Variants in ANKRD37 observed in about 807,000 individuals in gnomAD.
ANKRD37 encodes ankyrin repeat domain 37.
A neutral mutation model predicts 19.7 loss-of-function variants in ANKRD37; 17 were observed. The ratio of observed to expected loss-of-function variants is 0.86; its 90% CI spans 0.59 to 1.29. The LOEUF is 1.29. ANKRD37 is among the 50% of genes most tolerant of loss of function. The pLI is 0.00. For synonymous variants in ANKRD37, 79 were observed against 74.5 expected, an observed-to-expected ratio of 1.06 and a Z score of -0.31; for missense variants, 207 against 190.4, an observed-to-expected ratio of 1.09 and a Z score of -0.51.
At chr4:185,397,619 TTC>T (rs1353567464) in intron 2 of ANKRD37, 77 of 280,960 alleles carry the variant, frequency 2.7e-4, no homozygotes, top group African/African-American at 1.7e-3. Flanking sequence ...ATTTTACACT[TTC>T]TTTTATTCTG....
At position 185,399,715 on chromosome 4, in the gene ANKRD37, C is replaced by T. The variant is rs913977365; in HGVS notation, c.418C>T (p.Leu140Phe). The change falls in exon 4 of 5, where the codon CTC becomes TTC. Residue 140 changes from leucine (L) to phenylalanine (F), a missense_variant. By Grantham distance (22) the Leu-to-Phe change is conservative. Transcript: ENST00000335174. ...HPDRNDCVAV[L>F]RQKRSLGSVE... The stretch of plus-strand genomic sequence containing the variant: ...TGACAGGAATGATTGTGTTGCCGTG[C>T]TCAGACAGAAACGGAGTCTCGGAAG... 1.9e-6 allele frequency: 3 copies of T among 1,614,134 alleles called. No individual in the cohort carries two copies. The highest frequency in any genetic ancestry group is 1.1e-5 in the South Asian group (1 of 91,080).
chr4:185,398,824 C>T, intron 2 of ANKRD37, 113 bp from the exon 3 acceptor site: 1 of 683,530 alleles, frequency 1.5e-6, no homozygotes. Flanking sequence ...ATTCCCTGTC[C>T]AGTACAATGC....
Position 185,396,855 on chromosome 4 carries a change from G to A in ANKRD37, c.-69G>A, listed in dbSNP as rs1166868966. On this transcript the variant is annotated 5_prime_UTR_variant, in exon 1 of 5. Transcript: ENST00000335174. ...AGGGCCAGCCTGCGCATTCTTACCT[G>A]TCGGGGTGCGGCGAGTGTCTCACCT... The A allele has an allele frequency of 8.4e-6, 13 of 1,539,406 alleles. No homozygotes were observed. The East Asian group carries it at 2.2e-4, about 27-fold the overall frequency.
chr4:185,399,534 A>C, intron 3 of ANKRD37, 36 bp from the exon 4 acceptor site: 1 of 1,606,748 alleles, frequency 6.2e-7, no homozygotes, highest in Non-Finnish European at 8.5e-7. Context: ...CTTAAGTTCA[A>C]TGTTTCATTT....
intron 1 of ANKRD37, 65 bp downstream of exon 1, chr4:185,397,015 C>A (rs1469532294): frequency 1.2e-6 from 2 of 1,610,936 alleles, no homozygotes; most frequent in African/African-American, 1.3e-5. Flanking sequence ...GATTCGTCTT[C>A]TCGTTAATGC....
rs372070862 is a variant in ANKRD37 at position 185,399,031 on chromosome 4, G to A, written c.272+3G>A. On this transcript the variant is annotated splice_donor_region_variant and intron_variant, in intron 3 of 4. Transcript: ENST00000335174. ...GTAGCCAGTGATGCCCAAATTGAGT[G>A]AGTATGAAAACAGTGGCTTCACATT... The A allele has an allele frequency of 4.1e-5, 66 of 1,613,084 alleles. No homozygotes were observed. The African/African-American group carries it at 7.3e-4, about 18-fold the overall frequency.
Position 185,399,740 on chromosome 4 carries a change from G to A in ANKRD37, c.443G>A (p.Ser148Asn). Residue 148 changes from serine (S) to asparagine (N), a missense_variant, in exon 4 of 5, where the codon AGT becomes AAT. By Grantham distance (46) the Ser-to-Asn change is conservative (BLOSUM62 1). Coordinates refer to ENST00000335174, the MANE Select transcript of ANKRD37 (RefSeq NM_181726.4). The stretch of plus-strand genomic sequence containing the variant: ...CTCAGACAGAAACGGAGTCTCGGAA[G>A]TGTAGAAAATACCAGTGGGAAAAGG... Reference protein sequence around the residue: ...AVLRQKRSLGSVENTSGKRKC With the variant: ...AVLRQKRSLGNVENTSGKRKC 2 of 1,614,160 alleles carry A rather than the reference G, an allele frequency of 1.2e-6. No homozygotes were observed. Among genetic ancestry groups the A allele is most frequent in the South Asian group, 1.1e-5 (1 of 91,088 alleles).
In ANKRD37 at chr4:185,397,138, C is replaced by A; in HGVS notation, c.28-12C>A. ...AGGTGGGAAGGGTGCTGGATCTGTT[C>A]TCTTCCTGCAGGTGGATGGTCTGAA... On this transcript the variant is annotated splice_polypyrimidine_tract_variant and intron_variant, in intron 1 of 4. Coordinates refer to ENST00000335174, the MANE Select transcript of ANKRD37 (RefSeq NM_181726.4). 1 of 1,613,014 alleles carries A rather than the reference C, an allele frequency of 6.2e-7. No homozygotes were observed. The highest frequency in any genetic ancestry group is 8.5e-7 in the Non-Finnish European group (1 of 1,179,856).
rs2095511678 is a variant in ANKRD37, at chr4:185,400,231, C to T, written c.*214C>T. On this transcript the variant is annotated 3_prime_UTR_variant, in exon 5 of 5. Coordinates refer to ENST00000335174, the MANE Select transcript of ANKRD37 (RefSeq NM_181726.4). ...TTTGTCTTTTAAGTTATTAAAGGAA[C>T]GTCTAAAAAATACATTCTCCGTGCA... The T allele has an allele frequency of 7.0e-6, 5 of 713,938 alleles. No individual in the cohort carries two copies. The highest frequency in any genetic ancestry group is 1.1e-5 in the Non-Finnish European group (5 of 441,242). 44.2% of individuals were successfully genotyped at this position (713,938 alleles called of 1,614,324 possible).
intron 3 of ANKRD37, 71 bp downstream of exon 3, chr4:185,399,099 G>C: frequency 7.9e-7 from 1 of 1,268,526 alleles, no homozygotes; most frequent in Non-Finnish European, 1.1e-6. Context: ...CTGAAGCTTA[G>C]TTACATGTGC....
At position 185,400,232 on chromosome 4, in the gene ANKRD37, G is replaced by C; in HGVS notation, c.*215G>C. ...TTGTCTTTTAAGTTATTAAAGGAAC[G>C]TCTAAAAAATACATTCTCCGTGCAG... On this transcript the variant is annotated 3_prime_UTR_variant, in exon 5 of 5. Coordinates refer to ENST00000335174, the MANE Select transcript of ANKRD37 (RefSeq NM_181726.4). The C allele has an allele frequency of 4.2e-6, 3 of 720,240 alleles. No individual in the cohort carries two copies. Among genetic ancestry groups the C allele is most frequent in the Non-Finnish European group, 6.7e-6 (3 of 445,932 alleles). The allele number at this position is 720,240 out of a possible 1,614,324, so 44.6% of individuals were successfully genotyped here.
At chr4:185,397,843 T>G (rs2095507257) in intron 2 of ANKRD37, 1 of 152,500 alleles carries the variant, frequency 6.6e-6, no homozygotes, top group South Asian at 2.1e-4. Context: ...AAGAGTTTTC[T>G]TACTGTAGTT....
rs112594372 is a variant in ANKRD37 at position 185,398,926 on chromosome 4, C to T, written c.181-11C>T. 6.2e-7 allele frequency: 1 copy of T among 1,611,104 alleles called. No homozygotes were observed. The highest frequency in any genetic ancestry group is 2.2e-5 in the East Asian group (1 of 44,794). ...TTTGGGAGACTCTAAAATGCACCAT[C>T]TTACCTTAAGGATGTTTTAGGAGAA... On this transcript the variant is annotated splice_polypyrimidine_tract_variant and intron_variant, in intron 2 of 4. Coordinates refer to ENST00000335174, the MANE Select transcript of ANKRD37 (RefSeq NM_181726.4).
At chr4:185,397,060 T>C in intron 1 of ANKRD37, 90 bp from the exon 2 acceptor site, 1 of 1,610,346 alleles carries the variant, frequency 6.2e-7, no homozygotes. Flanking sequence ...TGGTCAGAGC[T>C]GGTTGTGAAG....
Position 185,397,311 on chromosome 4 carries a change from G to T in ANKRD37, c.180+9G>T. The T allele has an allele frequency of 6.2e-7, 1 of 1,613,466 alleles. No individual in the cohort carries two copies. The highest frequency in any genetic ancestry group is 1.3e-5 in the African/African-American group (1 of 75,044). Reference sequence around the variant, plus strand: ...CTGACCTCAACCAGCAGGTAACTAGGTAACTGTTGCTGTGTACAGCCGTCC... The same window carrying T: ...CTGACCTCAACCAGCAGGTAACTAGTTAACTGTTGCTGTGTACAGCCGTCC... On this transcript the variant is annotated intron_variant, in intron 2 of 4. Coordinates refer to ENST00000335174, the MANE Select transcript of ANKRD37 (RefSeq NM_181726.4).
intron 3 of ANKRD37, 177 bp from the exon 4 acceptor site, chr4:185,399,393 G>A (rs2095510324): frequency 1.5e-6 from 1 of 650,302 alleles, no homozygotes; most frequent in South Asian, 2.0e-5. Context: ...GCTCTATGCT[G>A]GATTCTGTTA....
Position 185,400,033 on chromosome 4 carries a change from G to A in ANKRD37, c.*16G>A, listed in dbSNP as rs771405507. ...TAAAAACAGATGTCACGTGGGTTATGAAGAAGTCTGAAGAACGCCTTCATT... is the reference window on the plus strand; with the variant it reads ...TAAAAACAGATGTCACGTGGGTTATAAAGAAGTCTGAAGAACGCCTTCATT... On this transcript the variant is annotated 3_prime_UTR_variant, in exon 5 of 5. Coordinates refer to ENST00000335174, the MANE Select transcript of ANKRD37 (RefSeq NM_181726.4). 1.3e-6 allele frequency: 2 copies of A among 1,585,696 alleles called. No homozygotes were observed. Among genetic ancestry groups the A allele is most frequent in the Non-Finnish European group, 1.7e-6 (2 of 1,161,848 alleles).
intron 1 of ANKRD37, 96 bp from the exon 2 acceptor site, chr4:185,397,054 C>A: frequency 2.5e-6 from 4 of 1,610,002 alleles, no homozygotes; most frequent in Non-Finnish European, 3.4e-6. Flanking sequence ...GCTGCCTGGT[C>A]AGAGCTGGTT....
chr4:185,397,258 T>A lies in ANKRD37; in HGVS notation c.136T>A (p.Phe46Ile). 2.5e-6 allele frequency: 4 copies of A among 1,614,094 alleles called. No homozygotes were observed. Among genetic ancestry groups the A allele is most frequent in the Non-Finnish European group, 3.4e-6 (4 of 1,180,018 alleles). ...HLAAGSGLAC[F>I]LLWQLQTGAD... is the part of the protein sequence containing the mutation. ...AGCCGCAGGAAGCGGCCTTGCTTGC[T>A]TTCTTCTCTGGCAGCTGCAAACGGG... The change falls in exon 2 of 5, where the codon TTT becomes ATT. Residue 46 changes from phenylalanine to isoleucine, a missense_variant. Transcript: ENST00000335174.
Sources: gnomAD v4.1 joint callset for allele counts on GRCh38, gnomAD v4.1.1 for gene constraint, MANE v1.5 for transcripts, NCBI Gene and HGNC (gene_info 2026-07-23, HGNC 2026-07-21) for gene names.